The following PBRM1 variants were observed in gnomAD, a reference collection of about 807,000 sequenced individuals.
PBRM1 encodes the protein protein polybromo-1.
PBRM1 carries 27 observed loss-of-function variants against 194.5 expected under a neutral mutation model. The observed-to-expected ratio is 0.14, with a 90% CI of 0.10 to 0.19. The LOEUF is 0.19. Among genes scored for constraint, PBRM1 ranks in the 10% least tolerant of loss-of-function variants. The pLI is 1.00. For missense variants in PBRM1, 1,466 were observed against 2,077.2 expected, an observed-to-expected ratio of 0.71 and a Z score of 5.72; for synonymous variants, 655 against 693.2, an observed-to-expected ratio of 0.94 and a Z score of 0.87.
At chr3:52,584,593 CT>C (rs2092062137) in intron 20 of PBRM1, among the ~76,000 whole-genome samples, 1 of 150,608 alleles carries the variant, frequency 6.6e-6, no homozygotes, top group African/African-American at 2.4e-5. Flanking sequence ...GTGGTTGGGT[CT>C]ACAGGCATGT....
At chr3:52,659,703 G>A (rs544813262) in intron 4 of PBRM1, among the ~76,000 whole-genome samples, 112 of 152,220 alleles carry the variant, frequency 7.4e-4, no homozygotes, top group Non-Finnish European at 1.3e-3. Flanking sequence ...GATTGCAGGC[G>A]TGAGCCACCG....
rs567457016 is a variant in PBRM1 at position 52,582,177 on chromosome 3, G to C, written c.3388-2978C>G. 2.0e-5 allele frequency among the ~76,000 whole-genome samples: 3 copies of C among 150,404 alleles called. No individual in the cohort carries two copies. In the South Asian group the frequency reaches 6.4e-4, roughly 32 times the overall value. ...GAATCACTTGAACCTGGGAAGTGGA[G>C]GCTGCAGTGAGCTGAGATTGCGCCA... On this transcript the variant is annotated intron_variant, in intron 20 of 29. Transcript: ENST00000296302.
At chr3:52,566,523 G>C (rs1340758144) in intron 22 of PBRM1, among the ~76,000 whole-genome samples, 1 of 152,100 alleles carries the variant, frequency 6.6e-6, no homozygotes, top group Non-Finnish European at 1.5e-5. Flanking sequence ...GATGAGCCTT[G>C]AAAACATTAG....
rs761001375 is a variant in PBRM1, at chr3:52,615,305, C to T, written c.1924+46G>A. 13 of 1,022,516 alleles carry T rather than the reference C, an allele frequency of 1.3e-5. No homozygotes were observed. In the Admixed American group the frequency reaches 2.3e-4, roughly 18 times the overall value. 63.3% of individuals were successfully genotyped at this position (1,022,516 alleles called of 1,614,324 possible). A position where few individuals can be genotyped will look rare whatever the true frequency, so the allele number is the denominator to read the frequency against. Reference sequence around the variant, plus strand: ...ATTATTTCAGAAAAATCAGCAATCTCTTCTTGATAGACTAAACTAAATAAT... The same window carrying T: ...ATTATTTCAGAAAAATCAGCAATCTTTTCTTGATAGACTAAACTAAATAAT... On this transcript the variant is annotated intron_variant, in intron 15 of 29. Transcript: ENST00000296302.
chr3:52,641,982 T>C (rs1577353646), exon 10 of PBRM1: 1 of 1,607,494 alleles, frequency 6.2e-7, no homozygotes, highest in African/African-American at 1.3e-5. Flanking sequence ...CTTCACTTTC[T>C]GAGCCATATT....
intron 3 of PBRM1, among the ~76,000 whole-genome samples, chr3:52,664,707 C>T (rs1028826383): frequency 6.6e-6 from 1 of 151,154 alleles, no homozygotes; most frequent in Non-Finnish European, 1.5e-5. Context: ...GCACTCCAGC[C>T]TGGGCATCAG....
At chr3:52,641,397 A>C (rs2096072228) in intron 10 of PBRM1, among the ~76,000 whole-genome samples, 1 of 144,684 alleles carries the variant, frequency 6.9e-6, no homozygotes, top group Non-Finnish European at 1.5e-5. Context: ...CAGTGAGCTA[A>C]GGTCACACCA....
intron 22 of PBRM1, among the ~76,000 whole-genome samples, chr3:52,564,540 G>A (rs2084521812): frequency 6.6e-6 from 1 of 151,972 alleles, no homozygotes; most frequent in Non-Finnish European, 1.5e-5. Context: ...AGCTACTCGG[G>A]AGGCTGAGGT....
intron 5 of PBRM1, among the ~76,000 whole-genome samples, chr3:52,652,117 C>T (rs1560798449): frequency 2.0e-5 from 3 of 152,226 alleles, no homozygotes; most frequent in Admixed American, 1.3e-4. Flanking sequence ...GGTGCGGTAG[C>T]TCACGCCTGC....
chr3:52,681,780 A>AG (rs1297931020), upstream of PBRM1: 13 of 972,450 alleles, frequency 1.3e-5, no homozygotes, highest in East Asian at 7.5e-4. Context: ...GGGAGAAGGA[A>AG]GGGCTTTAGA....
chr3:52,622,033 G>A (rs1453317305), intron 13 of PBRM1, among the ~76,000 whole-genome samples: 1 of 151,998 alleles, frequency 6.6e-6, no homozygotes, highest in Non-Finnish European at 1.5e-5. Flanking sequence ...GCAACAGAGT[G>A]AGACTGTCTC....
chr3:52,647,238 CATA>C (rs1271076428), intron 7 of PBRM1, among the ~76,000 whole-genome samples: 1 of 151,188 alleles, frequency 6.6e-6, no homozygotes, highest in Non-Finnish European at 1.5e-5. Flanking sequence ...CTAGGATATC[CATA>C]ATAAGAACAA....
chr3:52,662,208 A>C (rs764853847), exon 4 of PBRM1: 2 of 1,613,996 alleles, frequency 1.2e-6, no homozygotes, highest in Non-Finnish European at 1.7e-6. Flanking sequence ...CTTTCTGAAC[A>C]AACTCATTTC....
chr3:52,630,227 A>AG, intron 11 of PBRM1, among the ~76,000 whole-genome samples: 1 of 151,470 alleles, frequency 6.6e-6, no homozygotes. Context: ...AAAAAAAAAT[A>AG]GGGGGGACAA....
intron 18 of PBRM1, 131 bp from the exon 21 acceptor site, chr3:52,587,641 C>A: frequency 1.5e-6 from 1 of 662,610 alleles, no homozygotes; most frequent in Admixed American, 3.3e-5. Context: ...AATTCCTGGG[C>A]CAAAGTGGTC....
At chr3:52,547,998 T>A in exon 30 of PBRM1, 4 of 1,317,172 alleles carry the variant, frequency 3.0e-6, no homozygotes, top group Non-Finnish European at 4.3e-6. Context: ...CCACCCCCAG[T>A]AACTAAAATG....
At chr3:52,631,462 A>C (rs1434574688) in intron 11 of PBRM1, among the ~76,000 whole-genome samples, 1 of 152,224 alleles carries the variant, frequency 6.6e-6, no homozygotes, top group African/African-American at 2.4e-5. Context: ...TACTTAGCTA[A>C]GGTAGTTTTA....
chr3:52,575,276 A>C (rs942481273), intron 22 of PBRM1, among the ~76,000 whole-genome samples: 4 of 152,132 alleles, frequency 2.6e-5, no homozygotes, highest in Non-Finnish European at 5.9e-5. Flanking sequence ...CTGAACAAAC[A>C]ACCATAACCT....
intron 2 of PBRM1, among the ~76,000 whole-genome samples, chr3:52,669,303 G>A (rs1414349761): frequency 6.6e-6 from 1 of 151,994 alleles, no homozygotes; most frequent in Non-Finnish European, 1.5e-5. Flanking sequence ...TGCAGGAGAG[G>A]GGTAGTGAGG....
Sources: allele counts gnomAD v4.1 joint callset (sites outside exome capture counted in the v4.1 genomes callset), GRCh38; gene constraint gnomAD v4.1.1; transcripts MANE v1.5; gene names NCBI Gene and HGNC (gene_info 2026-07-23, HGNC 2026-07-21).